SETBP1: variants seen among roughly 807,000 people sequenced by gnomAD.
The protein encoded by SETBP1 is SET-binding protein.
In SETBP1, 9 loss-of-function variants were observed where a neutral mutation model predicts 101.0. The observed-to-expected ratio is 0.09, with a 90% CI of 0.05 to 0.16. The LOEUF is 0.16. SETBP1 is among the 10% of genes least tolerant of loss of function. The pLI is 1.00. For synonymous variants in SETBP1, 818 were observed against 788.5 expected (o/e 1.04, Z -0.63); for missense variants, 1,858 against 2,033.8 (o/e 0.91, Z 1.66).
chr18:44,785,620 A>G (rs2071224626), intron 2 of SETBP1, among the ~76,000 whole-genome samples: 1 of 152,184 alleles, frequency 6.6e-6, no homozygotes. Flanking sequence ...GTCAGCCCTC[A>G]TCTCCCCATT....
rs137884099 is a variant in SETBP1, at chr18:45,032,684, G to A, written c.4001-5801G>A. 2.4e-3 allele frequency among the ~76,000 whole-genome samples: 360 copies of A among 152,264 alleles called. 2 individuals carry two copies. Among genetic ancestry groups the A allele is most frequent in the African/African-American group, 8.2e-3 (340 of 41,544 alleles). ...TCCTGTGTTCCTCTCCCCAAGCTAT[G>A]AGACCCTGGGGTTCACGTGCACACA... On this transcript the variant is annotated intron_variant, in intron 4 of 5. Transcript: ENST00000649279.
At chr18:44,872,029 A>G (rs1463810110) in intron 3 of SETBP1, 1 of 152,104 alleles carries the variant, frequency 6.6e-6, no homozygotes, top group East Asian at 1.9e-4. Context: ...ACCTTCTAAC[A>G]TCCTGTTCTT....
chr18:44,998,053 GGCCGTTTAGCA>G (rs1568018327), intron 4 of SETBP1, among the ~76,000 whole-genome samples: 1 of 152,224 alleles, frequency 6.6e-6, no homozygotes, highest in Non-Finnish European at 1.5e-5. Context: ...GGCAGTGAGA[GGCCGTTTAGCA>G]GCCCCTGTTC....
Position 44,952,967 on chromosome 18 carries a change from A to C in SETBP1, c.3627A>C (p.Lys1209Asn), listed in dbSNP as rs1423572501. ...LVSEKNKHKE[K>N]QKHQHSEAGH... ...GTGAGAAGAACAAGCATAAGGAGAAACAGAAGCACCAGCACAGCGAAGCCG... is the reference window on the plus strand; with the variant it reads ...GTGAGAAGAACAAGCATAAGGAGAACCAGAAGCACCAGCACAGCGAAGCCG... Residue 1209 changes from lysine to asparagine, a missense_variant, in exon 4 of 6, where the codon AAA becomes AAC. Around this residue, in one of 12 missense-constraint regions of SETBP1, gnomAD observed 417 missense variants for 389.1 expected, o/e 1.07. Coordinates refer to ENST00000649279, the MANE Select transcript of SETBP1 (RefSeq NM_015559.3). 1 of 1,614,082 alleles carries C rather than the reference A, an allele frequency of 6.2e-7. No homozygotes were observed. Among genetic ancestry groups the C allele is most frequent in the African/African-American group, 1.3e-5 (1 of 74,930 alleles).
intron 2 of SETBP1, among the ~76,000 whole-genome samples, chr18:44,818,120 A>G (rs1293470597): frequency 6.6e-6 from 1 of 152,266 alleles, no homozygotes; most frequent in Admixed American, 6.5e-5. Context: ...GTAAACATCC[A>G]GGAAGCTGCA....
intron 2 of SETBP1, among the ~76,000 whole-genome samples, chr18:44,800,411 C>A (rs1025997759): frequency 2.6e-5 from 4 of 152,118 alleles, no homozygotes; most frequent in African/African-American, 9.7e-5. Flanking sequence ...ATATCTATCC[C>A]CATTCTCAGA....
At chr18:44,765,608 A>G (rs2070750020) in intron 2 of SETBP1, among the ~76,000 whole-genome samples, 1 of 152,198 alleles carries the variant, frequency 6.6e-6, no homozygotes, top group South Asian at 2.1e-4. Context: ...GATCAAATTA[A>G]TCATTATTAA....
In SETBP1 at chr18:44,861,464, C is replaced by G. The variant is rs181430766; in HGVS notation, c.487-7766C>G. Among the ~76,000 whole-genome samples, 910 of 151,816 alleles carry G rather than the reference C, an allele frequency of 6.0e-3. 6 individuals carry two copies. The highest frequency in any genetic ancestry group is 0.02 in the African/African-American group (846 of 41,402). On this transcript the variant is annotated intron_variant, in intron 2 of 5. Coordinates refer to ENST00000649279, the MANE Select transcript of SETBP1 (RefSeq NM_015559.3). ...AGCCAGGATGGTCTCAATCTCCTGA[C>G]CTCATGATCTGCCCGCCTCGGCCTC... is the stretch of plus-strand genomic sequence containing the variant.
chr18:44,701,509 A>G lies in SETBP1; in HGVS notation c.163A>G (p.Met55Val). The G allele has an allele frequency of 6.2e-7, 1 of 1,613,918 alleles. No homozygotes were observed. Among genetic ancestry groups the G allele is most frequent in the Non-Finnish European group, 8.5e-7 (1 of 1,179,880 alleles). ...GGGGATCCCGGTGGGCGGAGAGCGCATGGAGCCAGAGGAGGAGGATGAACT... is the reference window on the plus strand; with the variant it reads ...GGGGATCCCGGTGGGCGGAGAGCGCGTGGAGCCAGAGGAGGAGGATGAACT... Reference protein sequence around the residue: ...GKGIPVGGERMEPEEEDELGS... With the variant: ...GKGIPVGGERVEPEEEDELGS... Residue 55 changes from methionine to valine, a missense_variant, in exon 2 of 6, where the codon ATG becomes GTG. Physicochemically the swap from Met to Val is conservative, Grantham distance 21. Coordinates refer to ENST00000649279, the MANE Select transcript of SETBP1 (RefSeq NM_015559.3).
chr18:44,853,358 A>G (rs2072909361), intron 2 of SETBP1, among the ~76,000 whole-genome samples: 1 of 152,170 alleles, frequency 6.6e-6, no homozygotes. Flanking sequence ...TCTCCTGATG[A>G]TCTCATTTTA....
At chr18:44,772,672 C>T (rs927545170) in intron 2 of SETBP1, among the ~76,000 whole-genome samples, 2 of 152,196 alleles carry the variant, frequency 1.3e-5, no homozygotes, top group African/African-American at 4.8e-5. Context: ...TTGGACTGAA[C>T]TGGTTTGAAT....
Position 45,038,777 on chromosome 18 carries a change from T to C in SETBP1, c.4171+122T>C, listed in dbSNP as rs540700393. The C allele has an allele frequency of 4.1e-5, 41 of 1,009,652 alleles. No individual in the cohort carries two copies. In the African/African-American group the frequency reaches 4.6e-4, roughly 11 times the overall value. The allele number at this position is 1,009,652 out of a possible 1,614,324, so 62.5% of individuals were successfully genotyped here. A position where few individuals can be genotyped will look rare whatever the true frequency, so the allele number is the denominator to read the frequency against. ...TGTTTTGCCATCCTCCCCTAGACTC[T>C]GAACATGGGAGCCGTTTCAGCACTG... On this transcript the variant is annotated intron_variant, in intron 5 of 5. Coordinates refer to ENST00000649279, the MANE Select transcript of SETBP1 (RefSeq NM_015559.3).
chr18:44,732,828 T>C (rs1209929810), intron 2 of SETBP1: 1 of 152,170 alleles, frequency 6.6e-6, no homozygotes, highest in Non-Finnish European at 1.5e-5. Context: ...GGCGCTCACA[T>C]TCCCCAAGTG....
At chr18:44,744,108 C>T (rs1032662980) in intron 2 of SETBP1, among the ~76,000 whole-genome samples, 5 of 152,202 alleles carry the variant, frequency 3.3e-5, no homozygotes, top group Non-Finnish European at 5.9e-5. Flanking sequence ...CCATTGCTGG[C>T]GAACCCCCAC....
chr18:44,823,551 A>T (rs1024166463), intron 2 of SETBP1, among the ~76,000 whole-genome samples: 1 of 152,226 alleles, frequency 6.6e-6, no homozygotes. Flanking sequence ...CAGGCTTACG[A>T]GCTGCTGACT....
Position 45,066,474 on chromosome 18 carries a change from C to G in SETBP1, c.*2776C>G, listed in dbSNP as rs2073967560. On this transcript the variant is annotated 3_prime_UTR_variant, in exon 6 of 6. Coordinates refer to ENST00000649279, the MANE Select transcript of SETBP1 (RefSeq NM_015559.3). ...TCTTCTGCTTTTCATTAACCTAACT[C>G]ATCTCATCAGTACAACCATTTTCTT... 1 of 152,084 alleles carries G rather than the reference C, an allele frequency of 6.6e-6. No individual in the cohort carries two copies. The allele number at this position is 152,084 out of a possible 1,614,324, so 9.4% of individuals were successfully genotyped here.
chr18:44,689,102 A>G (rs1387083970), intron 1 of SETBP1, among the ~76,000 whole-genome samples: 1 of 152,210 alleles, frequency 6.6e-6, no homozygotes, highest in Non-Finnish European at 1.5e-5. Flanking sequence ...GGCCTAGGGT[A>G]TAGTCAGGGA....
chr18:44,725,862 G>A (rs888029645), intron 2 of SETBP1, among the ~76,000 whole-genome samples: 2 of 152,086 alleles, frequency 1.3e-5, no homozygotes, highest in Non-Finnish European at 1.5e-5. Context: ...AATAGACTAA[G>A]GCAGTTTCAG....
rs185713698 is a variant in SETBP1 at position 44,983,243 on chromosome 18, A to G, written c.4000+29903A>G. ...CAGATTTTGTGCGTATCAAAACGTGATTGGGGAAAAACAGGTACACGTAGC... is the reference window on the plus strand; with the variant it reads ...CAGATTTTGTGCGTATCAAAACGTGGTTGGGGAAAAACAGGTACACGTAGC... On this transcript the variant is annotated intron_variant, in intron 4 of 5. Coordinates refer to ENST00000649279, the MANE Select transcript of SETBP1 (RefSeq NM_015559.3). 1.4e-4 allele frequency among the ~76,000 whole-genome samples: 22 copies of G among 152,306 alleles called. 1 individual carries two copies. Among genetic ancestry groups the G allele is most frequent in the African/African-American group, 4.6e-4 (19 of 41,570 alleles).
Sources: allele counts gnomAD v4.1 joint callset (sites outside exome capture counted in the v4.1 genomes callset), GRCh38; gene constraint gnomAD v4.1.1; regional missense constraint gnomAD v4.1.1; transcripts MANE v1.5; gene names NCBI Gene and HGNC (gene_info 2026-07-23, HGNC 2026-07-21).